SLC38A12: variants seen among roughly 807,000 people sequenced by gnomAD.
SLC38A12 encodes the protein putative sodium-coupled neutral amino acid transporter 12.
the SLC38A12 span, chr17:74,795,639 G>C: frequency 6.2e-7 from 1 of 1,611,426 alleles, no homozygotes; most frequent in Non-Finnish European, 8.5e-7. Context: ...CTTGGTGAGT[G>C]TCTGTGCCTC....
chr17:74,788,129 T>C, the SLC38A12 span, among the ~76,000 whole-genome samples: 2 of 152,206 alleles, frequency 1.3e-5, no homozygotes, highest in Non-Finnish European at 2.9e-5. Flanking sequence ...AAGATGATTT[T>C]TCCAATCTAG....
chr17:74,788,662 G>A, the SLC38A12 span: 365 of 700,970 alleles, frequency 5.2e-4, 4 homozygotes, highest in South Asian at 6.7e-3. Context: ...CATCTCTAGG[G>A]AACAGCTCTC....
the SLC38A12 span, among the ~76,000 whole-genome samples, chr17:74,799,587 G>A: frequency 2.6e-5 from 4 of 152,314 alleles, no homozygotes; most frequent in African/African-American, 7.2e-5. Flanking sequence ...GAAGTGGAGG[G>A]CCAGGGGGAT....
the SLC38A12 span, among the ~76,000 whole-genome samples, chr17:74,783,688 G>C: frequency 1.3e-5 from 2 of 151,590 alleles, no homozygotes; most frequent in African/African-American, 4.8e-5. Context: ...CTCCAAGGCA[G>C]GAGTTGGCAA....
chr17:74,823,607 G>T, the SLC38A12 span, among the ~76,000 whole-genome samples: 2 of 152,276 alleles, frequency 1.3e-5, no homozygotes, highest in Non-Finnish European at 2.9e-5. Flanking sequence ...GGGCTGGTCA[G>T]TGTGGGATGC....
At chr17:74,829,476 C>T in the SLC38A12 span, among the ~76,000 whole-genome samples, 1 of 152,032 alleles carries the variant, frequency 6.6e-6, no homozygotes, top group Non-Finnish European at 1.5e-5. This position sits in a 1 kb window ranked among gnomAD's most constrained non-coding sequence, Gnocchi z 4.1. Context: ...GAGCCTCGGC[C>T]TCGTGTGGCC....
At chr17:74,797,644 G>A in the SLC38A12 span, among the ~76,000 whole-genome samples, 240 of 152,290 alleles carry the variant, frequency 1.6e-3, 5 homozygotes, top group African/African-American at 5.4e-3. Context: ...CAGGGTGTGA[G>A]GTTCTGCAGA....
the SLC38A12 span, among the ~76,000 whole-genome samples, chr17:74,781,260 T>C: frequency 6.6e-6 from 1 of 152,232 alleles, no homozygotes; most frequent in East Asian, 1.9e-4. Flanking sequence ...TCTTATACTG[T>C]TTAGTTTCCC....
the SLC38A12 span, chr17:74,790,940 T>C: frequency 3.7e-6 from 6 of 1,613,834 alleles, no homozygotes; most frequent in Non-Finnish European, 5.1e-6. Flanking sequence ...TCTTCCTTGT[T>C]CTTTTGGCTC....
chr17:74,794,263 A>C, the SLC38A12 span, among the ~76,000 whole-genome samples: 2 of 152,366 alleles, frequency 1.3e-5, no homozygotes, highest in South Asian at 4.1e-4. Flanking sequence ...TGATGGAATT[A>C]GGACTAGAGC....
chr17:74,836,150 C>T, the SLC38A12 span: 129 of 1,613,674 alleles, frequency 8.0e-5, no homozygotes, highest in Non-Finnish European at 1.0e-4. This position sits in a 1 kb window ranked among gnomAD's most constrained non-coding sequence, Gnocchi z 4.2. Flanking sequence ...TGGCCTTCTA[C>T]GGCCTCCTCT....
At chr17:74,795,604 G>A in the SLC38A12 span, 370 of 1,613,936 alleles carry the variant, frequency 2.3e-4, 4 homozygotes, top group East Asian at 2.8e-3. Flanking sequence ...GGGCCCCTGC[G>A]CCGAGTGGAC....
At chr17:74,837,765 GC>G in the SLC38A12 span, 1 of 985,780 alleles carries the variant, frequency 1.0e-6, no homozygotes, top group African/African-American at 1.7e-5. Context: ...GCACGCACTT[GC>G]TGGGCTGGCC....
At chr17:74,838,830 C>A in the SLC38A12 span, 1 of 1,524,756 alleles carries the variant, frequency 6.6e-7, no homozygotes, top group Non-Finnish European at 8.8e-7. Flanking sequence ...CGTTTCACTG[C>A]AGCCATCATC....
the SLC38A12 span, among the ~76,000 whole-genome samples, chr17:74,830,156 A>G: frequency 3.3e-5 from 5 of 152,190 alleles, no homozygotes; most frequent in Admixed American, 2.6e-4. Flanking sequence ...ACTCATCCCC[A>G]TCTGGCCCCA....
chr17:74,811,046 G>A, the SLC38A12 span, among the ~76,000 whole-genome samples: 1 of 152,180 alleles, frequency 6.6e-6, no homozygotes, highest in Non-Finnish European at 1.5e-5. Flanking sequence ...GAATAGTACT[G>A]GGGCTGGGCA....
chr17:74,778,881 TG>T, the SLC38A12 span, among the ~76,000 whole-genome samples: 7 of 152,086 alleles, frequency 4.6e-5, no homozygotes, highest in Non-Finnish European at 8.8e-5. Flanking sequence ...TTGGTCATGC[TG>T]GTCTTGAACT....
chr17:74,830,006 G>A, the SLC38A12 span, among the ~76,000 whole-genome samples: 8 of 152,248 alleles, frequency 5.3e-5, no homozygotes, highest in Non-Finnish European at 1.0e-4. Context: ...TGTGTTCAGC[G>A]CTGGAAGGAA....
chr17:74,790,545 T>TC, the SLC38A12 span, among the ~76,000 whole-genome samples: 3 of 152,008 alleles, frequency 2.0e-5, no homozygotes, highest in Non-Finnish European at 2.9e-5. Flanking sequence ...CACCTCAGTT[T>TC]CCCCCCATAC....
Sources: gnomAD v4.1 joint callset for allele counts (sites outside exome capture counted in the v4.1 genomes callset) on GRCh38, gnomAD v4.1.1 for gene constraint, Gnocchi (gnomAD v3.1) non-coding constraint, MANE v1.5 for transcripts, NCBI Gene and HGNC (gene_info 2026-07-23, HGNC 2026-07-21) for gene names.